Variants in NCOA1 observed in about 807,000 individuals in gnomAD.
The protein encoded by NCOA1 is Hin-2 protein.
Under a neutral mutation model 150.9 loss-of-function variants are expected in NCOA1, and 35 were observed. The ratio of observed to expected loss-of-function variants is 0.23; its 90% confidence interval spans 0.18 to 0.31. The LOEUF (loss-of-function observed/expected upper bound fraction) is 0.31. Among genes scored for constraint, NCOA1 ranks in the 10% least tolerant of loss-of-function variants. NCOA1 has a pLI of 1.00. For missense variants in NCOA1, 1,491 were observed against 1,749.3 expected, an observed-to-expected ratio of 0.85 and a Z score of 2.63; for synonymous variants, 590 against 630.0, an observed-to-expected ratio of 0.94 and a Z score of 0.95.
intron 1 of NCOA1, among the ~76,000 whole-genome samples, chr2:24,523,605 C>CAAAAAAAAAAGAAAAAAAAAAAAAAAAAA (rs1664517523): frequency 5.7e-5 from 1 of 17,694 alleles, no homozygotes; most frequent in African/African-American, 1.5e-4. Flanking sequence ...GACTCCGTCT[C>CAAAAAAAAAAGAAAAAAAAAAAAAAAAAA]AAAAAAAAAA....
intron 3 of NCOA1, among the ~76,000 whole-genome samples, chr2:24,633,142 G>A (rs763379559): frequency 2.6e-5 from 4 of 151,542 alleles, no homozygotes; most frequent in Non-Finnish European, 5.9e-5. Context: ...AGATACATAT[G>A]CATACACACA....
Position 24,707,638 on chromosome 2 carries a change from G to T in NCOA1, c.2168G>T (p.Gly723Val). Residue 723 changes from glycine (G) to valine (V), a missense_variant, in exon 13 of 23, where the codon GGA becomes GTA. By Grantham distance (109) the Gly-to-Val change is moderately radical. This residue lies in a region of NCOA1 where 703 missense variants were observed against 717.7 expected (regional missense o/e 0.98). Coordinates refer to ENST00000348332, the MANE Select transcript of NCOA1 (RefSeq NM_003743.5). The part of the protein sequence containing the change: ...DSASTSVSVT[G>V]QVQGNSSIKL... ...GCATCTACTTCTGTGTCAGTGACTG[G>T]ACAGGTACAAGGAAACTCCAGTATA... is the stretch of plus-strand genomic sequence containing the variant. 1 of 1,614,152 alleles carries T rather than the reference G, an allele frequency of 6.2e-7. No homozygotes were observed. The highest frequency in any genetic ancestry group is 8.5e-7 in the Non-Finnish European group (1 of 1,180,032).
chr2:24,588,175 C>A (rs1259634615), intron 3 of NCOA1, among the ~76,000 whole-genome samples: 1 of 152,038 alleles, frequency 6.6e-6, no homozygotes, highest in Admixed American at 6.6e-5. Context: ...TCCTTGACCA[C>A]CCAAGATCTA....
At chr2:24,600,005 G>A (rs1283531015) in intron 3 of NCOA1, among the ~76,000 whole-genome samples, 1 of 151,884 alleles carries the variant, frequency 6.6e-6, no homozygotes, top group Non-Finnish European at 1.5e-5. Context: ...TGCTGGGATT[G>A]CAGGCGTGAG....
chr2:24,585,481 G>T (rs925772295), intron 3 of NCOA1, among the ~76,000 whole-genome samples: 1 of 151,582 alleles, frequency 6.6e-6, no homozygotes, highest in Non-Finnish European at 1.5e-5. Flanking sequence ...CTCAATGAAT[G>T]CAGACACATT....
intron 1 of NCOA1, among the ~76,000 whole-genome samples, chr2:24,548,880 G>A (rs2148215532): frequency 6.6e-6 from 1 of 152,264 alleles, no homozygotes; most frequent in South Asian, 2.1e-4. Flanking sequence ...TGCTTTCATG[G>A]GCTGGCGTTG....
intron 20 of NCOA1, among the ~76,000 whole-genome samples, chr2:24,754,176 G>A (rs1054877157): frequency 4.6e-5 from 7 of 152,050 alleles, no homozygotes; most frequent in Non-Finnish European, 1.0e-4. Context: ...CATTCCAGTA[G>A]CTTCCTCTCC....
At chr2:24,706,422 CTTAAT>C in intron 12 of NCOA1, 141 bp from the exon 13 acceptor site, 3 of 833,714 alleles carry the variant, frequency 3.6e-6, no homozygotes, top group Non-Finnish European at 4.9e-6. Flanking sequence ...AAACTTTTTT[CTTAAT>C]TTAAGATGGT....
chr2:24,744,069 G>A (rs1174124667), intron 19 of NCOA1, among the ~76,000 whole-genome samples: 1 of 152,124 alleles, frequency 6.6e-6, no homozygotes, highest in African/African-American at 2.4e-5. Flanking sequence ...TTCTTTCACA[G>A]TTCTGGGTCT....
At chr2:24,568,196 T>C (rs537653239) in intron 2 of NCOA1, among the ~76,000 whole-genome samples, 57 of 152,334 alleles carry the variant, frequency 3.7e-4, no homozygotes, top group Non-Finnish European at 6.9e-4. Context: ...GAACTTCAGA[T>C]TTAAAGAATA....
intron 17 of NCOA1, among the ~76,000 whole-genome samples, chr2:24,731,000 T>C (rs1662983349): frequency 7.0e-6 from 1 of 142,130 alleles, no homozygotes; most frequent in Non-Finnish European, 1.5e-5. Flanking sequence ...ATTGTGCCAT[T>C]ACACTCCAGC....
rs1231548404 is a variant in NCOA1, at chr2:24,769,926, A to C, written c.*1535A>C. 3.1e-5 allele frequency: 7 copies of C among 227,302 alleles called. No individual in the cohort carries two copies. The allele number at this position is 227,302 out of a possible 1,614,324, so 14.1% of individuals were successfully genotyped here. A position where few individuals can be genotyped will look rare whatever the true frequency, so the allele number is the denominator to read the frequency against. ...CCAGCTACCTCTGCCTCCATGGCAG[A>C]GAAAAGGCCATAAGAACAGTGGAAG... On this transcript the variant is annotated 3_prime_UTR_variant, in exon 23 of 23. Coordinates refer to ENST00000348332, the MANE Select transcript of NCOA1 (RefSeq NM_003743.5).
At chr2:24,616,194 G>A (rs1393062402) in intron 3 of NCOA1, among the ~76,000 whole-genome samples, 1 of 152,156 alleles carries the variant, frequency 6.6e-6, no homozygotes, top group African/African-American at 2.4e-5. Flanking sequence ...TGGAAATGAT[G>A]ATTTGTATGT....
rs140156512 is a variant in NCOA1 at position 24,718,490 on chromosome 2, G to A, written c.2599+7379G>A. The stretch of plus-strand genomic sequence containing the variant: ...TTAACCAAGAGAAATGAAAGTCCAC[G>A]TCCATAAAGATACTTGACTACAAAT... On this transcript the variant is annotated intron_variant, in intron 14 of 22. Coordinates refer to ENST00000348332, the MANE Select transcript of NCOA1 (RefSeq NM_003743.5). 2.0e-3 allele frequency among the ~76,000 whole-genome samples: 305 copies of A among 152,148 alleles called. 1 individual carries two copies. Among genetic ancestry groups the A allele is most frequent in the African/African-American group, 6.7e-3 (278 of 41,500 alleles).
chr2:24,636,473 A>G (rs1669942529), intron 3 of NCOA1, among the ~76,000 whole-genome samples: 2 of 152,186 alleles, frequency 1.3e-5, no homozygotes, highest in African/African-American at 2.4e-5. Context: ...TTTGTATAGT[A>G]TATTCACCTT....
rs767224729 is a variant in NCOA1, at chr2:24,752,096, C to T, written c.3821C>T (p.Ala1274Val). Residue 1274 changes from alanine (A) to valine (V), a missense_variant, in exon 20 of 23, where the codon GCC (alanine) becomes GTC (valine). Ala to Val is a moderately conservative substitution (Grantham distance 64). Coordinates refer to ENST00000348332, the MANE Select transcript of NCOA1 (RefSeq NM_003743.5). ...TCTCTTCTCCAGCAAACTCCACCTG[C>T]CTCCGGGTATCAGTCACCAGACATG... ...QSSLLQQTPP[A>V]SGYQSPDMKA... 5 of 1,614,044 alleles carry T rather than the reference C, an allele frequency of 3.1e-6. No homozygotes were observed. Among genetic ancestry groups the T allele is most frequent in the Non-Finnish European group, 2.5e-6 (3 of 1,180,036 alleles).
chr2:24,723,793 T>C (rs1271795336), intron 14 of NCOA1, among the ~76,000 whole-genome samples: 1 of 152,164 alleles, frequency 6.6e-6, no homozygotes, highest in Admixed American at 6.5e-5. Flanking sequence ...GTCTACATCA[T>C]GTTTTGAAAA....
chr2:24,610,840 G>C (rs899355118), intron 3 of NCOA1, among the ~76,000 whole-genome samples: 8 of 148,834 alleles, frequency 5.4e-5, no homozygotes, highest in African/African-American at 1.7e-4. Context: ...CTTTAGACTT[G>C]AGTTCACAGT....
intron 1 of NCOA1, among the ~76,000 whole-genome samples, chr2:24,560,796 C>G (rs75715162): frequency 0.039 from 5,990 of 152,168 alleles, 163 homozygotes; most frequent in African/African-American, 0.082. Flanking sequence ...TAGATAGGAT[C>G]ATAGAGTAAA....
Sources: allele counts gnomAD v4.1 joint callset (sites outside exome capture counted in the v4.1 genomes callset), GRCh38; gene constraint gnomAD v4.1.1; regional missense constraint gnomAD v4.1.1; transcripts MANE v1.5; gene names NCBI Gene and HGNC (gene_info 2026-07-23, HGNC 2026-07-21).